Variants in EIF3M observed in about 807,000 individuals in gnomAD.
The protein encoded by EIF3M is B5 receptor.
A neutral mutation model predicts 49.7 loss-of-function variants in EIF3M; 25 were observed. The ratio of observed to expected loss-of-function variants is 0.50; its 90% CI spans 0.37 to 0.70. The LOEUF (loss-of-function observed/expected upper bound fraction) is 0.70, where lower values mean the gene tolerates loss of function less well. EIF3M is among the 30% of genes least tolerant of loss of function. The pLI is 0.00. For synonymous variants in EIF3M, 156 were observed against 149.8 expected (o/e 1.04, Z -0.30); for missense variants, 350 against 440.0 (o/e 0.80, Z 1.83).
chr11:32,595,780 T>TA (rs1195583335), intron 7 of EIF3M, among the ~76,000 whole-genome samples, 186 bp from the exon 8 acceptor site: 1 of 152,242 alleles, frequency 6.6e-6, no homozygotes, highest in Admixed American at 6.5e-5. Context: ...ACTGATTATT[T>TA]CATTTTAAAA....
intron 2 of EIF3M, 89 bp from the exon 3 acceptor site, chr11:32,588,505 A>T (rs1278018171): frequency 1.4e-6 from 2 of 1,444,836 alleles, no homozygotes; most frequent in Non-Finnish European, 1.9e-6. Context: ...GATGGTCTTC[A>T]TTGTATTAAA....
At chr11:32,597,028 A>G (rs114170315) in intron 8 of EIF3M, among the ~76,000 whole-genome samples, 3,755 of 152,290 alleles carry the variant, frequency 0.025, 142 homozygotes, top group African/African-American at 0.085. Flanking sequence ...AGTTATATCA[A>G]CAATCGGGTG....
At chr11:32,595,841 A>G in intron 7 of EIF3M, 125 bp from the exon 8 acceptor site, 1 of 688,264 alleles carries the variant, frequency 1.5e-6, no homozygotes. Flanking sequence ...ACAGAATGAT[A>G]TTTCTGCCTT....
At chr11:32,585,813 T>A (rs1825069494) in intron 1 of EIF3M, among the ~76,000 whole-genome samples, 1 of 149,356 alleles carries the variant, frequency 6.7e-6, no homozygotes. Flanking sequence ...TAAATATACT[T>A]GGGGGTTTAA....
intron 5 of EIF3M, chr11:32,592,724 A>C: frequency 2.0e-6 from 1 of 505,596 alleles, no homozygotes; most frequent in Non-Finnish European, 3.9e-6. Flanking sequence ...GACCACCAAT[A>C]AACAGTTTTT....
chr11:32,602,357 G>T lies in EIF3M; in HGVS notation c.1083G>T (p.Leu361=). ...YDTLNAWKQN[L]NKVKNSLLSL... ...CACTTAATGCCTGGAAACAAAATCTGAACAAAGTGAAAAACAGCCTTTTGA... is the reference window on the plus strand; with the variant it reads ...CACTTAATGCCTGGAAACAAAATCTTAACAAAGTGAAAAACAGCCTTTTGA... The change falls in exon 11 of 11, where the codon CTG becomes CTT. Residue 361 remains leucine, a synonymous_variant. Transcript: ENST00000531120. 1 of 1,612,096 alleles carries T rather than the reference G, an allele frequency of 6.2e-7. No individual in the cohort carries two copies. The highest frequency in any genetic ancestry group is 1.1e-5 in the South Asian group (1 of 90,826).
intron 8 of EIF3M, 67 bp downstream of exon 8, chr11:32,596,114 A>G (rs550155577): frequency 2.2e-4 from 272 of 1,237,548 alleles, no homozygotes; most frequent in Admixed American, 5.9e-4. Context: ...GTTATGTACT[A>G]TGTGTTCCAG....
At chr11:32,595,283 T>C (rs945358786) in intron 7 of EIF3M, among the ~76,000 whole-genome samples, 2 of 151,984 alleles carry the variant, frequency 1.3e-5, no homozygotes, top group East Asian at 1.9e-4. Context: ...TGGAGTGCGG[T>C]GGCATGATCT....
chr11:32,593,001 G>A (rs916726798), intron 5 of EIF3M, among the ~76,000 whole-genome samples: 2 of 152,240 alleles, frequency 1.3e-5, no homozygotes, highest in Admixed American at 6.5e-5. Context: ...ACTTAGCCAT[G>A]CCTACAGTGG....
In EIF3M at chr11:32,602,877, T is replaced by C; in HGVS notation, c.*478T>C. The C allele has an allele frequency of 1.2e-6, 2 of 1,612,388 alleles. No homozygotes were observed. Among genetic ancestry groups the C allele is most frequent in the Non-Finnish European group, 1.7e-6 (2 of 1,179,400 alleles). On this transcript the variant is annotated 3_prime_UTR_variant, in exon 11 of 11. Transcript: ENST00000531120. ...TTCTTTTCTTTGGCTGGTTGTCATT[T>C]TCTAAACTTAGTAAATTTTCACTTT...
intron 2 of EIF3M, among the ~76,000 whole-genome samples, chr11:32,588,357 C>G (rs1404021305): frequency 6.7e-6 from 1 of 148,156 alleles, no homozygotes; most frequent in East Asian, 2.0e-4. Flanking sequence ...CCACTGCACC[C>G]CAGCCTGGGC....
At position 32,583,924 on chromosome 11, in the gene EIF3M, G is replaced by T; in HGVS notation, c.37G>T (p.Asp13Tyr). The change falls in exon 1 of 11, where the codon GAT becomes TAT. Residue 13 changes from aspartate (D) to tyrosine (Y), a missense_variant. By Grantham distance (160) the Asp-to-Tyr change is radical. Transcript: ENST00000531120. ...GGCCTTCATCGACATCAGTGAAGAA[G>T]ATCAGGTGTGCTTCGGTCTACGGGT... ...VPAFIDISEE[D>Y]QAAELRAYLK... 1.2e-6 allele frequency: 2 copies of T among 1,613,860 alleles called. No homozygotes were observed. The highest frequency in any genetic ancestry group is 1.1e-5 in the South Asian group (1 of 91,054).
intron 5 of EIF3M, chr11:32,592,325 C>A (rs1319897540): frequency 1.8e-6 from 1 of 546,482 alleles, no homozygotes; most frequent in African/African-American, 1.9e-5. Flanking sequence ...TCAAAAGTTA[C>A]AAAAGCAAAT....
chr11:32,602,210 G>A (rs1855280231), intron 10 of EIF3M, 69 bp from the exon 11 acceptor site: 1 of 1,574,200 alleles, frequency 6.4e-7, no homozygotes, highest in Non-Finnish European at 8.6e-7. Flanking sequence ...ATTCAAATCT[G>A]TAGTATTATA....
chr11:32,599,280 G>T (rs972738132), intron 8 of EIF3M, among the ~76,000 whole-genome samples: 4 of 151,952 alleles, frequency 2.6e-5, no homozygotes, highest in South Asian at 4.1e-4. Context: ...GTTAATTAGG[G>T]TTAATGTGCA....
chr11:32,587,249 C>A (rs761434265), intron 2 of EIF3M, 105 bp downstream of exon 2: 8 of 1,156,596 alleles, frequency 6.9e-6, no homozygotes, highest in Non-Finnish European at 9.4e-6. Flanking sequence ...GGATTTGGAA[C>A]CCTCAGATAC....
At chr11:32,590,253 A>G (rs1855079485) in intron 5 of EIF3M, among the ~76,000 whole-genome samples, 1 of 152,184 alleles carries the variant, frequency 6.6e-6, no homozygotes, top group African/African-American at 2.4e-5. Flanking sequence ...GGTCCATAAC[A>G]TTGGTATTAC....
chr11:32,588,882 T>TAATAG, intron 3 of EIF3M, 130 bp from the exon 4 acceptor site: 1 of 1,529,606 alleles, frequency 6.5e-7, no homozygotes, highest in Non-Finnish European at 8.8e-7. Flanking sequence ...GACCTTTCTG[T>TAATAG]GCCCTAGTTT....
intron 5 of EIF3M, chr11:32,592,236 T>C (rs1855114238): frequency 2.5e-6 from 1 of 406,830 alleles, no homozygotes; most frequent in Non-Finnish European, 4.7e-6. Context: ...CTGCATCTGT[T>C]GTTTAAAAAG....
Sources: gnomAD v4.1 joint callset for allele counts (sites outside exome capture counted in the v4.1 genomes callset) on GRCh38, gnomAD v4.1.1 for gene constraint, MANE v1.5 for transcripts, NCBI Gene and HGNC (gene_info 2026-07-23, HGNC 2026-07-21) for gene names.